ARL16: variants seen among roughly 807,000 people sequenced by gnomAD.
ARL16 encodes the protein ADP-ribosylation factor-like protein 16.
Under a neutral mutation model 14.1 loss-of-function variants are expected in ARL16, and 21 were observed. That is an observed-to-expected ratio of 1.48 (90% CI 1.05 to 2.14). ARL16 has a LOEUF of 2.14. Ranked by LOEUF, ARL16 falls within the 30% of genes most tolerant of loss-of-function variation. ARL16 has a pLI of 0.00. For missense variants in ARL16, 248 were observed against 222.0 expected, an observed-to-expected ratio of 1.12 and a Z score of -0.74; for synonymous variants, 122 against 91.8, an observed-to-expected ratio of 1.33 and a Z score of -1.88.
chr17:81,683,153 GAAC>G lies in ARL16; in HGVS notation c.121-30_121-28del, dbSNP rs750922902. On this transcript the variant is annotated intron_variant, in intron 2 of 4. Coordinates refer to ENST00000622299, the MANE Select transcript of ARL16 (RefSeq NM_001040025.3). Reference sequence around the variant, plus strand: ...TATAGGAAAAACCACGATGCAAAAAGAACAATACAACCGCTGTCCCGTTGTGAA... The same window carrying G: ...TATAGGAAAAACCACGATGCAAAAAGAATACAACCGCTGTCCCGTTGTGAA... The G allele has an allele frequency of 1.8e-5, 29 of 1,584,716 alleles. No homozygotes were observed. The Admixed American group carries it at 3.9e-4, about 21-fold the overall frequency.
At chr17:81,682,182 C>T (rs1375135432) in intron 3 of ARL16, 33 bp from the exon 4 acceptor site, 2 of 1,516,076 alleles carry the variant, frequency 1.3e-6, no homozygotes, top group Non-Finnish European at 1.8e-6. Flanking sequence ...CAGCAATGCC[C>T]CGCTGCCAAA....
In ARL16 at chr17:81,683,341, G is replaced by A. The variant is rs2036895086; in HGVS notation, c.120+195C>T. On this transcript the variant is annotated intron_variant, in intron 2 of 4. Coordinates refer to ENST00000622299, the MANE Select transcript of ARL16 (RefSeq NM_001040025.3). Reference sequence around the variant, plus strand: ...GGAAGCCGTTGCGAGGGGAGAGGAAGTGCCCGTGGAGGGCGGCAGGCCCCC... The same window carrying A: ...GGAAGCCGTTGCGAGGGGAGAGGAAATGCCCGTGGAGGGCGGCAGGCCCCC... The A allele has an allele frequency of 9.2e-6, 8 of 869,594 alleles. No individual in the cohort carries two copies. In the Admixed American group the frequency reaches 1.2e-4, roughly 13 times the overall value. 53.9% of individuals were successfully genotyped at this position (869,594 alleles called of 1,614,324 possible).
chr17:81,683,765 C>T lies in ARL16; in HGVS notation c.-12G>A. The T allele has an allele frequency of 6.2e-7, 1 of 1,607,344 alleles. No homozygotes were observed. On this transcript the variant is annotated 5_prime_UTR_variant, in exon 1 of 5. Transcript: ENST00000622299. ...AGCAGGAGACACATTCCGTGCTTCGCTCCACCCGGCACCCGTAGCTCGGCG... is the reference window on the plus strand; with the variant it reads ...AGCAGGAGACACATTCCGTGCTTCGTTCCACCCGGCACCCGTAGCTCGGCG...
chr17:81,683,700 C>G lies in ARL16; in HGVS notation c.54G>C (p.Arg18=), dbSNP rs375089359. ...CCCCGCGCGGAAGGATATCCTGCAG[C>G]CGTTTCACCAGCAGCGTCTTCCCGA... ...TGVGKTLLVK[R]LQEVSSRDGK... Residue 18 remains arginine (R), a synonymous_variant, in exon 1 of 5, where the codon CGG becomes CGC. Coordinates refer to ENST00000622299, the MANE Select transcript of ARL16 (RefSeq NM_001040025.3). The G allele has an allele frequency of 1.2e-6, 2 of 1,605,176 alleles. No individual in the cohort carries two copies. Among genetic ancestry groups the G allele is most frequent in the South Asian group, 2.2e-5 (2 of 90,222 alleles).
rs749854038 is a variant in ARL16 at position 81,683,698 on chromosome 17, A to G, written c.56T>C (p.Leu19Pro). The change falls in exon 1 of 5, where the codon CTG (leucine) becomes CCG (proline). Residue 19 changes from leucine (L) to proline (P), a missense_variant. Physicochemically the swap from Leu to Pro is moderately conservative, Grantham distance 98 (BLOSUM62 -3). Transcript: ENST00000622299. ...GTCCCCGCGCGGAAGGATATCCTGCAGCCGTTTCACCAGCAGCGTCTTCCC... is the reference window on the plus strand; with the variant it reads ...GTCCCCGCGCGGAAGGATATCCTGCGGCCGTTTCACCAGCAGCGTCTTCCC... ...GVGKTLLVKR[L>P]QEVSSRDGKG... 11 of 1,604,912 alleles carry G rather than the reference A, an allele frequency of 6.9e-6. No homozygotes were observed. Among genetic ancestry groups the G allele is most frequent in the East Asian group, 6.7e-5 (3 of 44,544 alleles).
rs1453883801 is a variant in ARL16 at position 81,683,460 on chromosome 17, C to G, written c.120+76G>C. ...CTGACCCGCTGCGCCTCGGCGTGCA[C>G]TTAGAGGAGCCCGGAGCTCTTCGCC... On this transcript the variant is annotated intron_variant, in intron 2 of 4. Coordinates refer to ENST00000622299, the MANE Select transcript of ARL16 (RefSeq NM_001040025.3). The G allele has an allele frequency of 9.2e-5, 133 of 1,449,194 alleles. 1 individual carries two copies. Among genetic ancestry groups the G allele is most frequent in the Non-Finnish European group, 1.5e-5 (16 of 1,095,740 alleles). The allele number at this position is 1,449,194 out of a possible 1,614,324, so 89.8% of individuals were successfully genotyped here. A position where few individuals can be genotyped will look rare whatever the true frequency, so the allele number is the denominator to read the frequency against.
chr17:81,683,745 G>A lies in ARL16; in HGVS notation c.9C>T (p.Leu3=). The A allele has an allele frequency of 6.2e-7, 1 of 1,608,266 alleles. No individual in the cohort carries two copies. ...TCCCGACGCCCGTGGCCCCCAGCAG[G>A]AGACACATTCCGTGCTTCGCTCCAC... MC[L]LLGATGVGKT... Residue 3 remains leucine, a synonymous_variant, in exon 1 of 5, where the codon CTC becomes CTT. Transcript: ENST00000622299.
chr17:81,683,214 G>C (rs2036891674), intron 2 of ARL16, 88 bp from the exon 3 acceptor site: 2 of 1,268,656 alleles, frequency 1.6e-6, no homozygotes, highest in Non-Finnish European at 2.2e-6. Flanking sequence ...CACCTTACAC[G>C]GTGGCCTGAA....
chr17:81,682,238 T>G, intron 3 of ARL16, 89 bp from the exon 4 acceptor site: 3 of 911,314 alleles, frequency 3.3e-6, no homozygotes, highest in Non-Finnish European at 3.2e-6. Flanking sequence ...AGAGCAAAAC[T>G]GCATTTTTTA....
chr17:81,683,240 C>T (rs1218316846), intron 2 of ARL16, 114 bp from the exon 3 acceptor site: 3 of 1,032,392 alleles, frequency 2.9e-6, no homozygotes, highest in East Asian at 2.4e-5. Context: ...CAGACCCATT[C>T]TCCCTAACGC....
chr17:81,683,629 G>A, intron 1 of ARL16, 35 bp from the exon 2 acceptor site: 2 of 1,593,934 alleles, frequency 1.3e-6, no homozygotes, highest in Non-Finnish European at 8.5e-7. Flanking sequence ...CAGCTAAAGG[G>A]TGAGTCCCCG....
chr17:81,682,005 G>A, intron 4 of ARL16, 29 bp downstream of exon 4: 2 of 1,588,276 alleles, frequency 1.3e-6, no homozygotes. Flanking sequence ...CGCCCCCGCT[G>A]TGCTCCCTCT....
In ARL16 at chr17:81,681,699, G is replaced by A; in HGVS notation, c.*9C>T. The stretch of plus-strand genomic sequence containing the variant: ...CCCAGCTCAGGCCAGCTGCGCCTCT[G>A]CCGTGCAGTCAATCGTTGGCTCTGT... On this transcript the variant is annotated 3_prime_UTR_variant, in exon 5 of 5. Transcript: ENST00000622299. 6.3e-7 allele frequency: 1 copy of A among 1,595,120 alleles called. No individual in the cohort carries two copies. Among genetic ancestry groups the A allele is most frequent in the Non-Finnish European group, 8.5e-7 (1 of 1,171,930 alleles).
chr17:81,683,330 G>A, intron 2 of ARL16: 1 of 845,164 alleles, frequency 1.2e-6, no homozygotes, highest in South Asian at 1.8e-5. Flanking sequence ...GCCGTTGCGA[G>A]GGGAGAGGAA....
At chr17:81,683,429 C>T in intron 2 of ARL16, 107 bp downstream of exon 2, 9 of 1,372,324 alleles carry the variant, frequency 6.6e-6, no homozygotes, top group Non-Finnish European at 8.7e-6. Flanking sequence ...GGCCTTAAGT[C>T]ACGACCTGAC....
intron 2 of ARL16, 61 bp downstream of exon 2, chr17:81,683,475 A>G (rs567494417): frequency 1.4e-5 from 21 of 1,469,480 alleles, no homozygotes; most frequent in Middle Eastern, 2.5e-4. Flanking sequence ...AGGAGCCCGG[A>G]GCTCTTCGCC....
intron 3 of ARL16, 21 bp downstream of exon 3, chr17:81,682,992 C>T (rs1199211476): frequency 4.4e-6 from 7 of 1,590,444 alleles, no homozygotes; most frequent in South Asian, 1.1e-5. Context: ...TAAAGGAAGC[C>T]CATATAGGAT....
intron 4 of ARL16, 25 bp from the exon 5 acceptor site, chr17:81,681,904 A>G: frequency 6.2e-7 from 1 of 1,603,148 alleles, no homozygotes; most frequent in Non-Finnish European, 8.5e-7. Context: ...GTGCCCCATC[A>G]GAGCAGTGGC....
At chr17:81,682,567 G>A in intron 3 of ARL16, 1 of 187,568 alleles carries the variant, frequency 5.3e-6, no homozygotes, top group Non-Finnish European at 1.1e-5. Context: ...CAAAGCTTTG[G>A]GAACAAGCAG....
Sources: allele counts gnomAD v4.1 joint callset, GRCh38; gene constraint gnomAD v4.1.1; transcripts MANE v1.5; gene names NCBI Gene and HGNC (gene_info 2026-07-23, HGNC 2026-07-21).